The following EPB42 variants were observed in gnomAD, a reference collection of about 807,000 sequenced individuals.
The protein encoded by EPB42 is erythrocyte membrane protein band 4.2, also known as protein 4.2.
EPB42 carries 49 observed loss-of-function variants against 76.9 expected under a neutral mutation model. The observed-to-expected ratio is 0.64, with a 90% confidence interval of 0.51 to 0.81. EPB42 has a LOEUF of 0.81. Among genes scored for constraint, EPB42 ranks in the 30% least tolerant of loss-of-function variants. The pLI is 0.00. For missense variants in EPB42, 731 were observed against 867.6 expected (o/e 0.84, Z 1.98); for synonymous variants, 310 against 338.4 (o/e 0.92, Z 0.92).
chr15:43,222,331 A>C (rs1479309938), upstream of EPB42, among the ~76,000 whole-genome samples: 1 of 152,210 alleles, frequency 6.6e-6, no homozygotes, highest in African/African-American at 2.4e-5. Context: ...AGAAACTGTA[A>C]TTAAAGACCC....
At position 43,208,262 on chromosome 15, in the gene EPB42, A is replaced by G; in HGVS notation, c.1043T>C (p.Ile348Thr). The G allele has an allele frequency of 6.2e-7, 1 of 1,614,102 alleles. No homozygotes were observed. Among genetic ancestry groups the G allele is most frequent in the Non-Finnish European group, 8.5e-7 (1 of 1,179,968 alleles). ...ALPQGYDGWQ[I>T]LHPSAPNGGG... The stretch of plus-strand genomic sequence containing the variant: ...TCCATTAGGAGCACTTGGGTGCAGA[A>G]TCTGCCATCCATCATAACCCTGGGG... The change falls in exon 8 of 13, where the codon ATT becomes ACT. Residue 348 changes from isoleucine to threonine, a missense_variant. Coordinates refer to ENST00000441366, the MANE Select transcript of EPB42 (RefSeq NM_001114134.2).
intron 12 of EPB42, among the ~76,000 whole-genome samples, chr15:43,198,216 C>G (rs2042074347): frequency 6.6e-6 from 1 of 152,158 alleles, no homozygotes; most frequent in African/African-American, 2.4e-5. Flanking sequence ...GAGATTGGAG[C>G]AGCTTGAAGT....
rs747581439 is a variant in EPB42, at chr15:43,197,383, A to C, written c.1995T>G (p.Thr665=). The C allele has an allele frequency of 3.1e-6, 5 of 1,614,204 alleles. No homozygotes were observed. Among genetic ancestry groups the C allele is most frequent in the Non-Finnish European group, 3.4e-6 (4 of 1,180,036 alleles). Reference sequence around the variant, plus strand: ...GGAACATGTTGCAGTCCACTTCCACAGTGAGTCTCTGGAGCCCCACATGTG... The same window carrying C: ...GGAACATGTTGCAGTCCACTTCCACCGTGAGTCTCTGGAGCCCCACATGTG... The part of the protein sequence containing the change: ...TPTHVGLQRL[T]VEVDCNMFQN... Residue 665 remains threonine (T), a synonymous_variant, in exon 13 of 13, where the codon ACT becomes ACG. Transcript: ENST00000441366.
At chr15:43,218,579 G>C (rs2042412578) in intron 1 of EPB42, among the ~76,000 whole-genome samples, 1 of 152,186 alleles carries the variant, frequency 6.6e-6, no homozygotes. Context: ...CCAAGATACA[G>C]TGCTTTCTCA....
chr15:43,210,696 G>A (rs1262231712), intron 4 of EPB42, among the ~76,000 whole-genome samples: 1 of 152,174 alleles, frequency 6.6e-6, no homozygotes, highest in Non-Finnish European at 1.5e-5. Flanking sequence ...CCGGTAGGGT[G>A]TGAGCTCTCG....
chr15:43,202,609 A>AGTT (rs2042142987), intron 11 of EPB42, among the ~76,000 whole-genome samples: 2 of 152,240 alleles, frequency 1.3e-5, no homozygotes, highest in South Asian at 4.1e-4. Flanking sequence ...CTAAACTATA[A>AGTT]CCTGCTTGCG....
Position 43,209,331 on chromosome 15 carries a change from GGCCGGTGAGCCACT to G in EPB42, c.761_774del (p.Gln254ProfsTer7), listed in dbSNP as rs2042255886. Reference sequence around the variant, plus strand: ...TGGCCATCATACACAGGTCGGCCTCGGCCGGTGAGCCACTGCCGCAGGATGGGCACGCTGCCCCG... The same window carrying G: ...TGGCCATCATACACAGGTCGGCCTCGGCCGCAGGATGGGCACGCTGCCCCG... On this transcript the variant is annotated frameshift_variant, in exon 6 of 13. Transcript: ENST00000441366. LOFTEE classifies it high-confidence loss of function. The G allele has an allele frequency of 6.2e-7, 1 of 1,614,116 alleles. No individual in the cohort carries two copies. Among genetic ancestry groups the G allele is most frequent in the Non-Finnish European group, 8.5e-7 (1 of 1,180,032 alleles).
intron 1 of EPB42, 56 bp downstream of exon 1, chr15:43,220,760 T>C: frequency 6.2e-7 from 1 of 1,607,796 alleles, no homozygotes; most frequent in Non-Finnish European, 8.5e-7. Flanking sequence ...AAACAGGTGA[T>C]GCTGCGGGGG....
At chr15:43,211,883 C>T (rs771902620) in intron 3 of EPB42, among the ~76,000 whole-genome samples, 1 of 151,138 alleles carries the variant, frequency 6.6e-6, no homozygotes, top group Non-Finnish European at 1.5e-5. Context: ...CTGGGCAACA[C>T]AGCAAGACTC....
At chr15:43,207,074 G>C (rs1468171872) in intron 9 of EPB42, 125 bp downstream of exon 9, 2 of 1,441,426 alleles carry the variant, frequency 1.4e-6, no homozygotes, top group Admixed American at 1.9e-5. Flanking sequence ...ATGGGGTTGA[G>C]AAACCCTGTT....
rs773924102 is a variant in EPB42 at position 43,201,949 on chromosome 15, G to C, written c.1808C>G (p.Pro603Arg). The change falls in exon 12 of 13, where the codon CCC becomes CGC. Residue 603 changes from proline to arginine, a missense_variant. Pro to Arg is a moderately radical substitution (Grantham distance 103). Coordinates refer to ENST00000441366, the MANE Select transcript of EPB42 (RefSeq NM_001114134.2). ...CTGGAGGCTGACTGAGGCTGTGAGG[G>C]GTTGATACTGCTCTGCTTTCTCTGG... is the stretch of plus-strand genomic sequence containing the variant. Reference protein sequence around the residue: ...KMPEKAEQYQPLTASVSLQNS... With the variant: ...KMPEKAEQYQRLTASVSLQNS... 2.5e-6 allele frequency: 4 copies of C among 1,614,114 alleles called. No homozygotes were observed. The highest frequency in any genetic ancestry group is 1.7e-6 in the Non-Finnish European group (2 of 1,179,998).
rs2042138200 is a variant in EPB42 at position 43,202,285 on chromosome 15, TC to T, written c.1780-309del. On this transcript the variant is annotated intron_variant, in intron 11 of 12. Coordinates refer to ENST00000441366, the MANE Select transcript of EPB42 (RefSeq NM_001114134.2). ...TCATGGTGTGTCCCCAAACCCCCTC[TC>T]CCACCTCACCTGTTCTTCCCATGAC... 2.0e-5 allele frequency among the ~76,000 whole-genome samples: 3 copies of T among 152,072 alleles called. No individual in the cohort carries two copies. The South Asian group carries it at 6.2e-4, about 32-fold the overall frequency.
intron 6 of EPB42, 48 bp from the exon 7 acceptor site, chr15:43,208,823 T>C: frequency 6.3e-7 from 1 of 1,592,798 alleles, no homozygotes; most frequent in South Asian, 1.1e-5. Context: ...GAGACCGGGC[T>C]GGGGGCGTGT....
At chr15:43,212,856 T>C (rs1314691564) in intron 3 of EPB42, among the ~76,000 whole-genome samples, 4 of 151,790 alleles carry the variant, frequency 2.6e-5, no homozygotes, top group Admixed American at 2.6e-4. Context: ...CGAGGTGGAG[T>C]GGACAGGGGT....
chr15:43,208,262 A>C lies in EPB42; in HGVS notation c.1043T>G (p.Ile348Ser). The change falls in exon 8 of 13, where the codon ATT becomes AGT. Residue 348 changes from isoleucine (I) to serine (S), a missense_variant. Coordinates refer to ENST00000441366, the MANE Select transcript of EPB42 (RefSeq NM_001114134.2). The stretch of plus-strand genomic sequence containing the variant: ...TCCATTAGGAGCACTTGGGTGCAGA[A>C]TCTGCCATCCATCATAACCCTGGGG... ...ALPQGYDGWQ[I>S]LHPSAPNGGG... is the part of the protein sequence containing the mutation. The C allele has an allele frequency of 6.2e-7, 1 of 1,614,102 alleles. No homozygotes were observed. Among genetic ancestry groups the C allele is most frequent in the Non-Finnish European group, 8.5e-7 (1 of 1,179,968 alleles).
At chr15:43,210,596 A>G (rs1161243833) in intron 4 of EPB42, among the ~76,000 whole-genome samples, 157 bp from the exon 5 acceptor site, 1 of 152,092 alleles carries the variant, frequency 6.6e-6, no homozygotes, top group Admixed American at 6.5e-5. Flanking sequence ...CATCCCTCTG[A>G]GGAGCTCTGG....
intron 1 of EPB42, 153 bp downstream of exon 1, chr15:43,220,662 AG>A: frequency 3.8e-5 from 10 of 262,880 alleles, no homozygotes; most frequent in South Asian, 5.3e-5. Context: ...CCCCCCCCAC[AG>A]CCACCTCATT....
rs1213520975 is a variant in EPB42 at position 43,206,434 on chromosome 15, T to C, written c.1514A>G (p.Lys505Arg). Residue 505 changes from lysine (K) to arginine (R), a missense_variant, in exon 10 of 13, where the codon AAG becomes AGG. Physicochemically the swap from Lys to Arg is conservative, Grantham distance 26. Coordinates refer to ENST00000441366, the MANE Select transcript of EPB42 (RefSeq NM_001114134.2). This position sits in a 1 kb window ranked among gnomAD's most constrained non-coding sequence, Gnocchi z 4.7. ...VTLVNHSEQE[K>R]AVQLAIGVQA... ...GACCCCAATTGCCAGCTGCACTGCC[T>C]TCTCCTGCTCACTGTGATTAACCAG... 1 of 1,614,114 alleles carries C rather than the reference T, an allele frequency of 6.2e-7. No individual in the cohort carries two copies. The highest frequency in any genetic ancestry group is 2.2e-5 in the East Asian group (1 of 44,900).
chr15:43,212,972 G>A (rs1596414769), intron 3 of EPB42, among the ~76,000 whole-genome samples: 1 of 152,116 alleles, frequency 6.6e-6, no homozygotes, highest in South Asian at 2.1e-4. Context: ...CTGGGGATGA[G>A]GGTCCTGAAG....
Sources: gnomAD v4.1 joint callset for allele counts (sites outside exome capture counted in the v4.1 genomes callset) on GRCh38, gnomAD v4.1.1 for gene constraint, Gnocchi (gnomAD v3.1) non-coding constraint, MANE v1.5 for transcripts, NCBI Gene and HGNC (gene_info 2026-07-23, HGNC 2026-07-21) for gene names.